The following ANTXR1 variants were observed in gnomAD, a reference collection of about 807,000 sequenced individuals.
ANTXR1 encodes anthrax toxin receptor 1.
Under a neutral mutation model 78.1 loss-of-function variants are expected in ANTXR1, and 19 were observed. That is an observed-to-expected ratio of 0.24 (90% CI 0.17 to 0.36). The LOEUF is 0.36. ANTXR1 is among the 10% of genes least tolerant of loss of function. The probability of loss-of-function intolerance (pLI) is 1.00; values close to 1 mark genes in which losing one functional copy is unlikely to be tolerated. For synonymous variants in ANTXR1, 273 were observed against 260.5 expected, an observed-to-expected ratio of 1.05 and a Z score of -0.46; for missense variants, 518 against 718.6, an observed-to-expected ratio of 0.72 and a Z score of 3.19.
At chr2:69,212,740 C>T (rs1329719730) in intron 17 of ANTXR1, among the ~76,000 whole-genome samples, 1 of 152,074 alleles carries the variant, frequency 6.6e-6, no homozygotes, top group African/African-American at 2.4e-5. Flanking sequence ...TAGCCTTGAC[C>T]TCTGGGACTC....
At chr2:69,024,127 A>G (rs928498951) in intron 1 of ANTXR1, among the ~76,000 whole-genome samples, 5 of 152,308 alleles carry the variant, frequency 3.3e-5, no homozygotes, top group Non-Finnish European at 7.4e-5. Flanking sequence ...AAGGATCAGC[A>G]GGATTGGATG....
At chr2:69,023,891 A>G (rs563974248) in intron 1 of ANTXR1, among the ~76,000 whole-genome samples, 1 of 152,370 alleles carries the variant, frequency 6.6e-6, no homozygotes, top group African/African-American at 2.4e-5. Context: ...GGCAACATTT[A>G]GGAAAGCAAA....
chr2:69,242,131 G>A (rs1675910505), intron 17 of ANTXR1, among the ~76,000 whole-genome samples: 1 of 152,060 alleles, frequency 6.6e-6, no homozygotes, highest in African/African-American at 2.4e-5. Flanking sequence ...GTACCCCTAG[G>A]GTGTTACTGA....
At chr2:69,225,656 G>C (rs76769640) in intron 17 of ANTXR1, among the ~76,000 whole-genome samples, 7,834 of 152,036 alleles carry the variant, frequency 0.052, 645 homozygotes, top group African/African-American at 0.17. Context: ...AGAAGCAAGG[G>C]AGATGGGATG....
At chr2:69,211,304 T>C (rs1238161300) in intron 17 of ANTXR1, among the ~76,000 whole-genome samples, 1 of 152,232 alleles carries the variant, frequency 6.6e-6, no homozygotes, top group Non-Finnish European at 1.5e-5. Flanking sequence ...TGCTAAGGAA[T>C]GCAAACCCAC....
At chr2:69,110,757 G>A (rs947358716) in intron 10 of ANTXR1, among the ~76,000 whole-genome samples, 3 of 152,080 alleles carry the variant, frequency 2.0e-5, no homozygotes, top group Non-Finnish European at 1.5e-5. Context: ...AGCTACTCGG[G>A]AGGCTGAGGC....
chr2:69,141,124 C>T (rs1673056626), intron 12 of ANTXR1, among the ~76,000 whole-genome samples: 1 of 152,182 alleles, frequency 6.6e-6, no homozygotes, highest in Admixed American at 6.5e-5. Flanking sequence ...TGGGACCACC[C>T]ACTAACACCA....
chr2:69,232,190 A>G (rs575781549), intron 17 of ANTXR1, among the ~76,000 whole-genome samples: 27 of 152,328 alleles, frequency 1.8e-4, no homozygotes, highest in African/African-American at 6.5e-4. Context: ...AAGCAAGCAG[A>G]TGAAAAAGTA....
At chr2:69,103,047 A>G (rs774736125) in intron 10 of ANTXR1, 107 bp downstream of exon 10, 30 of 1,186,688 alleles carry the variant, frequency 2.5e-5, no homozygotes, top group Admixed American at 1.7e-5. Flanking sequence ...AGCAGAAAAG[A>G]GTCTTATTTG....
chr2:69,231,478 A>G (rs1675595506), intron 17 of ANTXR1, among the ~76,000 whole-genome samples: 1 of 152,202 alleles, frequency 6.6e-6, no homozygotes, highest in African/African-American at 2.4e-5. Flanking sequence ...TCCACACACC[A>G]TGAATGACCC....
At chr2:69,214,665 G>A (rs1214173486) in intron 17 of ANTXR1, among the ~76,000 whole-genome samples, 1 of 152,160 alleles carries the variant, frequency 6.6e-6, no homozygotes, top group Non-Finnish European at 1.5e-5. Flanking sequence ...AAGTCTGTTA[G>A]CCAATTTCTT....
chr2:69,233,160 A>T, intron 17 of ANTXR1, among the ~76,000 whole-genome samples: 1 of 152,262 alleles, frequency 6.6e-6, no homozygotes, highest in African/African-American at 2.4e-5. Context: ...TGTCTAGAAA[A>T]TTTTTGAGAG....
chr2:69,232,475 G>A (rs546269314), intron 17 of ANTXR1, among the ~76,000 whole-genome samples: 10 of 149,524 alleles, frequency 6.7e-5, no homozygotes, highest in South Asian at 4.3e-4. Context: ...TCCAGCCTAG[G>A]CGACAGACCG....
intron 8 of ANTXR1, among the ~76,000 whole-genome samples, chr2:69,081,229 G>A (rs908993374): frequency 6.6e-6 from 1 of 152,132 alleles, no homozygotes; most frequent in Non-Finnish European, 1.5e-5. Context: ...GGTGGAGTGG[G>A]GAATTTGAAC....
chr2:69,066,667 G>A, intron 3 of ANTXR1, among the ~76,000 whole-genome samples: 1 of 152,296 alleles, frequency 6.6e-6, no homozygotes, highest in South Asian at 2.1e-4. Context: ...CTGGGTGCAT[G>A]GTGTATGCTC....
Position 69,181,899 on chromosome 2 carries a change from T to C in ANTXR1, c.1185+18T>C, listed in dbSNP as rs1674283839. On this transcript the variant is annotated intron_variant, in intron 15 of 17. Coordinates refer to ENST00000303714, the MANE Select transcript of ANTXR1 (RefSeq NM_032208.3). ...GAATGGAGGTAAGAGGACAGCTTCA[T>C]ATACACTTATCTATGTGCTGACTAC... is the stretch of plus-strand genomic sequence containing the variant. 1.2e-6 allele frequency: 2 copies of C among 1,611,686 alleles called. No individual in the cohort carries two copies.
At chr2:69,181,965 C>T in intron 15 of ANTXR1, 84 bp downstream of exon 15, 1 of 1,353,656 alleles carries the variant, frequency 7.4e-7, no homozygotes, top group African/African-American at 1.4e-5. Flanking sequence ...TGCTTAGCCT[C>T]TAGATATCAG....
chr2:69,072,581 T>G (rs997325309), intron 5 of ANTXR1, among the ~76,000 whole-genome samples: 1 of 152,246 alleles, frequency 6.6e-6, no homozygotes, highest in South Asian at 2.1e-4. Flanking sequence ...TAAATCATGA[T>G]GACTATTACT....
intron 8 of ANTXR1, among the ~76,000 whole-genome samples, chr2:69,080,269 T>C (rs1670861899): frequency 6.6e-6 from 1 of 152,184 alleles, no homozygotes; most frequent in Admixed American, 6.5e-5. Flanking sequence ...TGGCTAACTA[T>C]TTTTAAGAAG....
Sources: allele counts gnomAD v4.1 joint callset (sites outside exome capture counted in the v4.1 genomes callset), GRCh38; gene constraint gnomAD v4.1.1; transcripts MANE v1.5; gene names NCBI Gene and HGNC (gene_info 2026-07-23, HGNC 2026-07-21).